The following CDH9 variants were observed in gnomAD, a reference collection of about 807,000 sequenced individuals.
The protein encoded by CDH9 is cadherin 9.
In CDH9, 28 loss-of-function variants were observed where a neutral mutation model predicts 70.9. That is an observed-to-expected ratio of 0.40 (90% CI 0.29 to 0.54). CDH9 has a LOEUF of 0.54. CDH9 is among the 20% of genes least tolerant of loss of function. The pLI is 0.59. For synonymous variants in CDH9, 409 were observed against 343.1 expected, an observed-to-expected ratio of 1.19 and a Z score of -2.12; for missense variants, 874 against 984.4, an observed-to-expected ratio of 0.89 and a Z score of 1.50.
chr5:26,941,341 A>G (rs1482530664), intron 2 of CDH9, among the ~76,000 whole-genome samples: 1 of 152,174 alleles, frequency 6.6e-6, no homozygotes, highest in Non-Finnish European at 1.5e-5. Flanking sequence ...CTTCCATATG[A>G]GAGAACTTCC....
intron 1 of CDH9, among the ~76,000 whole-genome samples, chr5:26,988,844 CT>C (rs777993993): frequency 6.6e-6 from 1 of 151,788 alleles, no homozygotes; most frequent in Non-Finnish European, 1.5e-5. Flanking sequence ...CCTCTGCCCC[CT>C]ATCTTCCTCT....
intron 2 of CDH9, among the ~76,000 whole-genome samples, chr5:26,980,996 T>C (rs1579491705): frequency 6.6e-6 from 1 of 152,226 alleles, no homozygotes. Context: ...CACATTAAAA[T>C]ACAGTCCCAA....
chr5:26,917,916 T>G (rs577668982), intron 2 of CDH9, among the ~76,000 whole-genome samples: 9 of 152,332 alleles, frequency 5.9e-5, no homozygotes, highest in African/African-American at 2.2e-4. Context: ...AAACCAGAGT[T>G]AGCATCATGC....
intron 1 of CDH9, among the ~76,000 whole-genome samples, chr5:27,027,778 C>G (rs1021320712): frequency 5.3e-5 from 8 of 151,928 alleles, no homozygotes; most frequent in African/African-American, 1.9e-4. Context: ...AATATGGGAG[C>G]TGGGAAGAGA....
intron 2 of CDH9, among the ~76,000 whole-genome samples, chr5:26,940,569 A>G (rs552710159): frequency 6.6e-6 from 1 of 152,338 alleles, no homozygotes; most frequent in Admixed American, 6.5e-5. Context: ...GACCTGGCCC[A>G]AGCCCAAATG....
chr5:26,906,239 A>G, intron 4 of CDH9, 113 bp from the exon 5 acceptor site: 1 of 797,232 alleles, frequency 1.3e-6, no homozygotes, highest in Admixed American at 2.6e-5. Context: ...ATGTCAGTGT[A>G]TTTAAATATG....
At chr5:26,936,281 C>G (rs1448429782) in intron 2 of CDH9, among the ~76,000 whole-genome samples, 1 of 152,036 alleles carries the variant, frequency 6.6e-6, no homozygotes, top group Non-Finnish European at 1.5e-5. Context: ...CAGTATATTT[C>G]TATAGCAATT....
intron 2 of CDH9, among the ~76,000 whole-genome samples, chr5:26,956,010 T>A (rs1441609170): frequency 6.6e-6 from 1 of 152,190 alleles, no homozygotes; most frequent in Non-Finnish European, 1.5e-5. Context: ...TTTAACAGTA[T>A]TAAGACAGGA....
intron 2 of CDH9, among the ~76,000 whole-genome samples, chr5:26,940,788 T>C (rs181615852): frequency 5.3e-5 from 8 of 152,348 alleles, no homozygotes; most frequent in Non-Finnish European, 1.2e-4. Context: ...ACTATTAAAC[T>C]GGTAAGAACA....
chr5:27,002,494 A>G (rs1489389660), intron 1 of CDH9, among the ~76,000 whole-genome samples: 2 of 152,218 alleles, frequency 1.3e-5, no homozygotes, highest in East Asian at 3.8e-4. Context: ...GGCACTATTC[A>G]CAATAGCAAA....
At chr5:27,003,677 C>T (rs1742809611) in intron 1 of CDH9, among the ~76,000 whole-genome samples, 2 of 151,974 alleles carry the variant, frequency 1.3e-5, no homozygotes, top group Non-Finnish European at 2.9e-5. Context: ...CTGATGGGTA[C>T]TTCTTAACAC....
chr5:26,906,257 A>G (rs1740946861), intron 4 of CDH9, 131 bp from the exon 5 acceptor site: 1 of 682,406 alleles, frequency 1.5e-6, no homozygotes, highest in African/African-American at 1.8e-5. Flanking sequence ...ATGTCCTTCA[A>G]TCCATAACCA....
chr5:26,901,075 C>T (rs1740846868), intron 7 of CDH9, among the ~76,000 whole-genome samples: 1 of 151,842 alleles, frequency 6.6e-6, no homozygotes, highest in African/African-American at 2.4e-5. Context: ...CATTGGACGG[C>T]TAGATTAATT....
chr5:26,934,715 G>A (rs962861529), intron 2 of CDH9, among the ~76,000 whole-genome samples: 1 of 152,048 alleles, frequency 6.6e-6, no homozygotes, highest in Non-Finnish European at 1.5e-5. Flanking sequence ...TACATCAAGA[G>A]AACTAGTCTA....
At chr5:26,993,986 A>C (rs1425182474) in intron 1 of CDH9, among the ~76,000 whole-genome samples, 1 of 152,058 alleles carries the variant, frequency 6.6e-6, no homozygotes, top group Non-Finnish European at 1.5e-5. Flanking sequence ...AATCTCATGG[A>C]GTTTGCCTTG....
intron 2 of CDH9, among the ~76,000 whole-genome samples, chr5:26,954,085 C>T (rs955952154): frequency 1.3e-5 from 2 of 152,130 alleles, no homozygotes; most frequent in Non-Finnish European, 2.9e-5. Context: ...TTTCTCTGCT[C>T]GGTCATTAAA....
intron 8 of CDH9, 111 bp from the exon 9 acceptor site, chr5:26,890,068 A>T: frequency 1.1e-6 from 1 of 939,570 alleles, no homozygotes; most frequent in Non-Finnish European, 1.7e-6. Flanking sequence ...CACTTTCTCA[A>T]TTGGGCTGCT....
At chr5:26,979,257 G>A (rs1259335668) in intron 2 of CDH9, among the ~76,000 whole-genome samples, 1 of 151,664 alleles carries the variant, frequency 6.6e-6, no homozygotes, top group East Asian at 1.9e-4. Context: ...ATTGTAAGAT[G>A]AGTGTATTAT....
intron 1 of CDH9, among the ~76,000 whole-genome samples, chr5:27,017,427 C>A (rs929356790): frequency 1.8e-5 from 2 of 112,546 alleles, no homozygotes; most frequent in Non-Finnish European, 1.9e-5. Context: ...CTTGAGTCCA[C>A]TGAAATTTTT....
Sources: allele counts gnomAD v4.1 joint callset (sites outside exome capture counted in the v4.1 genomes callset), GRCh38; gene constraint gnomAD v4.1.1; transcripts MANE v1.5; gene names NCBI Gene and HGNC (gene_info 2026-07-23, HGNC 2026-07-21).